CRCP: variants seen among roughly 807,000 people sequenced by gnomAD.
The protein encoded by CRCP is DNA-directed RNA polymerase III subunit RPC9.
In CRCP, 18 loss-of-function variants were observed where a neutral mutation model predicts 18.5. The ratio of observed to expected loss-of-function variants is 0.97; its 90% confidence interval spans 0.67 to 1.44. The LOEUF (loss-of-function observed/expected upper bound fraction) is 1.44, where lower values mean the gene tolerates loss of function less well. Ranked by LOEUF, CRCP falls within the 40% of genes most tolerant of loss-of-function variation. The probability of loss-of-function intolerance (pLI) is 0.00; values close to 1 mark genes in which losing one functional copy is unlikely to be tolerated. For missense variants in CRCP, 130 were observed against 176.4 expected, an observed-to-expected ratio of 0.74 and a Z score of 1.49; for synonymous variants, 53 against 62.9, an observed-to-expected ratio of 0.84 and a Z score of 0.75.
intron 4 of CRCP, among the ~76,000 whole-genome samples, chr7:66,142,205 A>G (rs1788161237): frequency 6.6e-6 from 1 of 152,054 alleles, no homozygotes; most frequent in Non-Finnish European, 1.5e-5. Flanking sequence ...TCAGTGGAAC[A>G]TGAGCCCCTT....
chr7:66,123,903 G>A (rs1467013544), intron 1 of CRCP, among the ~76,000 whole-genome samples: 1 of 148,172 alleles, frequency 6.7e-6, no homozygotes, highest in Non-Finnish European at 1.5e-5. Flanking sequence ...AAATGAGCCG[G>A]GCGTGGTGGC....
intron 1 of CRCP, among the ~76,000 whole-genome samples, chr7:66,118,978 C>T (rs1420172812): frequency 6.6e-6 from 1 of 152,172 alleles, no homozygotes; most frequent in Non-Finnish European, 1.5e-5. Flanking sequence ...CTAATCATCC[C>T]CTGCCTTTCT....
intron 1 of CRCP, among the ~76,000 whole-genome samples, chr7:66,116,284 T>C (rs149471685): frequency 1.6e-3 from 239 of 151,790 alleles, no homozygotes; most frequent in African/African-American, 5.6e-3. Flanking sequence ...CACTTGAACC[T>C]GGGAGGTGGA....
At position 66,152,555 on chromosome 7, in the gene CRCP, A is replaced by G; in HGVS notation, c.*198A>G. 1.7e-6 allele frequency: 1 copy of G among 594,388 alleles called. No individual in the cohort carries two copies. Among genetic ancestry groups the G allele is most frequent in the Non-Finnish European group, 2.9e-6 (1 of 346,168 alleles). 36.8% of individuals were successfully genotyped at this position (594,388 alleles called of 1,614,324 possible). On this transcript the variant is annotated 3_prime_UTR_variant, in exon 6 of 6. Transcript: ENST00000395326. ...GAAGAAACATGGTGAAAACAGGCTG[A>G]GGTTGTCAGGGCAGAGAGCTGAAGG...
At chr7:66,141,383 C>G (rs780981381) in intron 4 of CRCP, among the ~76,000 whole-genome samples, 11 of 152,092 alleles carry the variant, frequency 7.2e-5, no homozygotes, top group Non-Finnish European at 2.9e-5. Context: ...CCCTGCTGCC[C>G]GTCCCCGCCT....
intron 2 of CRCP, among the ~76,000 whole-genome samples, chr7:66,128,207 C>T (rs921592797): frequency 6.6e-6 from 1 of 151,920 alleles, no homozygotes. Context: ...ATGGCAACAT[C>T]TGGTGGACCT....
intron 1 of CRCP, chr7:66,126,602 G>T: frequency 4.7e-6 from 2 of 423,580 alleles, no homozygotes; most frequent in Admixed American, 2.6e-5. Context: ...GAATTAACTG[G>T]GATAATATCT....
chr7:66,137,169 C>T (rs1554333838), intron 4 of CRCP, among the ~76,000 whole-genome samples: 1 of 151,950 alleles, frequency 6.6e-6, no homozygotes, highest in Non-Finnish European at 1.5e-5. Context: ...TCCATGAAAA[C>T]AGTGTAGCAT....
intron 5 of CRCP, among the ~76,000 whole-genome samples, chr7:66,148,205 T>C (rs1467101325): frequency 1.3e-5 from 2 of 151,734 alleles, no homozygotes; most frequent in Non-Finnish European, 2.9e-5. Flanking sequence ...CTACTAAAAA[T>C]ACAGAAATTA....
chr7:66,121,689 G>A (rs1787446944), intron 1 of CRCP, among the ~76,000 whole-genome samples: 1 of 152,070 alleles, frequency 6.6e-6, no homozygotes, highest in Non-Finnish European at 1.5e-5. Context: ...GTCTATAAAT[G>A]ATCATTTATA....
intron 5 of CRCP, among the ~76,000 whole-genome samples, chr7:66,148,039 G>A (rs552055479): frequency 4.0e-5 from 6 of 151,852 alleles, no homozygotes; most frequent in Admixed American, 2.6e-4. Context: ...CAGCCTGTGT[G>A]ACTGAGCAAG....
chr7:66,115,655 C>G (rs1047501945), intron 1 of CRCP, among the ~76,000 whole-genome samples: 2 of 152,146 alleles, frequency 1.3e-5, no homozygotes, highest in African/African-American at 2.4e-5. Flanking sequence ...TGCATCTACT[C>G]TGAATGTGGG....
At chr7:66,116,476 A>G (rs1237068175) in intron 1 of CRCP, among the ~76,000 whole-genome samples, 1 of 132,294 alleles carries the variant, frequency 7.6e-6, no homozygotes, top group South Asian at 2.6e-4. Flanking sequence ...GTGACAGTGT[A>G]AGGCTCTGTC....
intron 5 of CRCP, 45 bp downstream of exon 5, chr7:66,145,545 G>A: frequency 1.9e-6 from 3 of 1,601,164 alleles, no homozygotes; most frequent in Non-Finnish European, 2.6e-6. Context: ...GTGGGTCTGA[G>A]ATGTAGAATG....
chr7:66,129,082 C>T (rs1473892069), intron 2 of CRCP, among the ~76,000 whole-genome samples: 1 of 152,108 alleles, frequency 6.6e-6, no homozygotes, highest in Non-Finnish European at 1.5e-5. Context: ...GCCTGTAATC[C>T]CAGTACTTTG....
intron 3 of CRCP, among the ~76,000 whole-genome samples, chr7:66,132,556 C>T (rs2115945321): frequency 6.6e-6 from 1 of 152,156 alleles, no homozygotes; most frequent in African/African-American, 2.4e-5. Context: ...TTGGTCATTT[C>T]GTTAAGATGG....
chr7:66,150,675 C>G (rs1788431631), intron 5 of CRCP: 1 of 151,900 alleles, frequency 6.6e-6, no homozygotes, highest in Admixed American at 6.6e-5. Flanking sequence ...GATTGCAGGC[C>G]TGTCTTATTA....
chr7:66,120,434 TCAAG>T (rs1289603768), intron 1 of CRCP: 2 of 152,014 alleles, frequency 1.3e-5, no homozygotes, highest in Non-Finnish European at 2.9e-5. Flanking sequence ...CTGTAACCAA[TCAAG>T]AATTTTGCAG....
At chr7:66,138,876 C>CT (rs35647756) in intron 4 of CRCP, among the ~76,000 whole-genome samples, 88,148 of 150,682 alleles carry the variant, frequency 0.58, 26,258 homozygotes, top group African/African-American at 0.68. Flanking sequence ...TATATTTCAG[C>CT]TTTTTTTTCC....
Sources: gnomAD v4.1 joint callset for allele counts (sites outside exome capture counted in the v4.1 genomes callset) on GRCh38, gnomAD v4.1.1 for gene constraint, MANE v1.5 for transcripts, NCBI Gene and HGNC (gene_info 2026-07-23, HGNC 2026-07-21) for gene names.